The following PRH1 variants were observed in gnomAD, a reference collection of about 807,000 sequenced individuals.
PRH1 encodes the protein proline rich protein HaeIII subfamily 1, also known as salivary acidic proline-rich phosphoprotein 1/2.
In PRH1, 7 loss-of-function variants were observed where a neutral mutation model predicts 7.9. The observed-to-expected ratio is 0.89, with a 90% CI of 0.50 to 1.67. The LOEUF (loss-of-function observed/expected upper bound fraction) is 1.67, where lower values mean the gene tolerates loss of function less well. PRH1 is among the 40% of genes most tolerant of loss of function. PRH1 has a pLI of 0.00. For missense variants in PRH1, 109 were observed against 223.6 expected, an observed-to-expected ratio of 0.49 and a Z score of 3.27; for synonymous variants, 45 against 80.8, an observed-to-expected ratio of 0.56 and a Z score of 2.38.
At chr12:11,070,065 C>A (rs1217043928) in intron 1 of PRH1, among the ~76,000 whole-genome samples, 3 of 152,152 alleles carry the variant, frequency 2.0e-5, no homozygotes, top group African/African-American at 7.2e-5. Context: ...AGAGGGCTCC[C>A]ACCACCCACA....
At chr12:11,131,163 C>T (rs976374142) in intron 1 of PRH1, among the ~76,000 whole-genome samples, 5 of 152,210 alleles carry the variant, frequency 3.3e-5, no homozygotes, top group South Asian at 2.1e-4. Flanking sequence ...AGAAGACTAA[C>T]GACAGCTGAG....
chr12:10,930,222 A>G (rs765494866), intron 2 of PRH1: 1 of 1,593,818 alleles, frequency 6.3e-7, no homozygotes, highest in South Asian at 1.1e-5. Context: ...TGAGCTCTGA[A>G]TGATTCATGC....
chr12:11,023,309 T>G (rs972047859), intron 1 of PRH1, among the ~76,000 whole-genome samples: 1 of 152,168 alleles, frequency 6.6e-6, no homozygotes, highest in African/African-American at 2.4e-5. Context: ...GAAAATGAGT[T>G]TCCAGGAACT....
chr12:10,970,029 T>G (rs1938728072), intron 2 of PRH1, among the ~76,000 whole-genome samples: 1 of 152,208 alleles, frequency 6.6e-6, no homozygotes, highest in South Asian at 2.1e-4. Context: ...CTTGAACTCC[T>G]GACCTCAGGT....
upstream of PRH1, among the ~76,000 whole-genome samples, chr12:10,887,486 C>A (rs984867709): frequency 4.6e-5 from 7 of 151,524 alleles, no homozygotes; most frequent in Admixed American, 3.9e-4. Flanking sequence ...TGTTAGTGGT[C>A]CATAAATATA....
chr12:11,074,319 G>C (rs1356837459), intron 1 of PRH1, among the ~76,000 whole-genome samples: 8 of 151,842 alleles, frequency 5.3e-5, no homozygotes, highest in Non-Finnish European at 8.8e-5. Context: ...TTCACCTTTG[G>C]AGCAGAAAGT....
At chr12:10,942,563 TCCCCAATGGCA>T (rs1247700062) in intron 2 of PRH1, among the ~76,000 whole-genome samples, 1 of 152,070 alleles carries the variant, frequency 6.6e-6, no homozygotes, top group East Asian at 1.9e-4. Flanking sequence ...CCACCATGCC[TCCCCAATGGCA>T]CCCTGTCTGT....
intron 2 of PRH1, among the ~76,000 whole-genome samples, chr12:10,966,342 T>C (rs1354649531): frequency 6.6e-6 from 1 of 152,238 alleles, no homozygotes; most frequent in Non-Finnish European, 1.5e-5. Context: ...GCCCCTGGAC[T>C]CTGAGTACAC....
At chr12:11,050,266 T>A (rs142864282), upstream of PRH1, among the ~76,000 whole-genome samples, 2 of 152,294 alleles carry the variant, frequency 1.3e-5, no homozygotes, top group East Asian at 3.9e-4. Context: ...TTTCTATAGA[T>A]TATAGATTAA....
chr12:10,949,316 C>T (rs1460322580), intron 2 of PRH1, among the ~76,000 whole-genome samples: 1 of 152,172 alleles, frequency 6.6e-6, no homozygotes, highest in African/African-American at 2.4e-5. Flanking sequence ...GGGTTGACTG[C>T]ATCTTGTTGG....
chr12:11,150,082 C>A (rs1331442997), intron 1 of PRH1, among the ~76,000 whole-genome samples: 5 of 150,170 alleles, frequency 3.3e-5, no homozygotes, highest in African/African-American at 1.2e-4. Context: ...CTCATCATCA[C>A]TGGCCATCAG....
At chr12:11,138,332 A>C (rs1946612707) in intron 1 of PRH1, among the ~76,000 whole-genome samples, 1 of 152,194 alleles carries the variant, frequency 6.6e-6, no homozygotes, top group Non-Finnish European at 1.5e-5. Flanking sequence ...TATATGCACA[A>C]ACATACTCAA....
chr12:11,038,199 G>A (rs1401931074), intron 1 of PRH1, among the ~76,000 whole-genome samples: 4 of 152,142 alleles, frequency 2.6e-5, no homozygotes, highest in Admixed American at 6.5e-5. Flanking sequence ...TTATGTTTCT[G>A]CTTTTTTAAC....
chr12:11,163,766 G>A (rs1334382590), intron 1 of PRH1, among the ~76,000 whole-genome samples: 4 of 152,114 alleles, frequency 2.6e-5, no homozygotes, highest in African/African-American at 7.2e-5. Context: ...TCAAAGCTAA[G>A]CATCTAGATA....
At chr12:11,127,429 G>C (rs1946171847) in intron 1 of PRH1, among the ~76,000 whole-genome samples, 2 of 152,302 alleles carry the variant, frequency 1.3e-5, no homozygotes, top group Non-Finnish European at 2.9e-5. Flanking sequence ...GTCAAAACTA[G>C]AATCATGACC....
chr12:10,882,626 G>A lies in PRH1; in HGVS notation c.173C>T (p.Pro58Leu), dbSNP rs748129986. ...ATCCTGGTTCCCATCACCAGCAGAG[G>A]GTTGAGATTGCTGTCCTCCCAAAGG... ...GPPLGGQQSQ[P>L]SAGDGNQDDG... is the part of the protein sequence containing the mutation. Residue 58 changes from proline to leucine, a missense_variant, in exon 3 of 4, where the codon CCC becomes CTC. Coordinates refer to ENST00000543626, the MANE Select transcript of PRH1 (RefSeq NM_001393989.1). 6.2e-7 allele frequency: 1 copy of A among 1,611,600 alleles called. No homozygotes were observed. The highest frequency in any genetic ancestry group is 8.5e-7 in the Non-Finnish European group (1 of 1,179,252).
chr12:11,091,658 G>C lies in PRH1; in HGVS notation n.124-44470C>G, dbSNP rs1261678945. The stretch of plus-strand genomic sequence containing the variant: ...GATTAACAGCATAAAAGATAGTAGG[G>C]TCAGAGTGAAGGGTACTAAGTTTGC... On this transcript the variant is annotated intron_variant and non_coding_transcript_variant, in intron 1 of 4. Coordinates refer to the PRH1 transcript ENST00000541977. 2.4e-6 allele frequency: 3 copies of C among 1,246,232 alleles called. 1 individual carries two copies. Among genetic ancestry groups the C allele is most frequent in the Non-Finnish European group, 2.3e-6 (2 of 879,482 alleles). The allele number at this position is 1,246,232 out of a possible 1,614,324, so 77.2% of individuals were successfully genotyped here.
At chr12:11,038,033 C>T (rs1284631891) in intron 1 of PRH1, among the ~76,000 whole-genome samples, 1 of 152,224 alleles carries the variant, frequency 6.6e-6, no homozygotes, top group Non-Finnish European at 1.5e-5. Flanking sequence ...CAGAGTGAGA[C>T]GCTGTCTCAA....
intron 2 of PRH1, among the ~76,000 whole-genome samples, chr12:10,935,113 T>A (rs756755676): frequency 3.0e-4 from 46 of 152,168 alleles, no homozygotes; most frequent in Non-Finnish European, 5.3e-4. Context: ...AACTCCTGAA[T>A]GCTGAGTGCT....
Sources: allele counts gnomAD v4.1 joint callset (sites outside exome capture counted in the v4.1 genomes callset), GRCh38; gene constraint gnomAD v4.1.1; transcripts MANE v1.5; gene names NCBI Gene and HGNC (gene_info 2026-07-23, HGNC 2026-07-21).